Variants in COL5A2 observed in about 807,000 individuals in gnomAD.
COL5A2 encodes the protein collagen alpha-2(V) chain.
COL5A2 carries 23 observed loss-of-function variants against 208.2 expected under a neutral mutation model. That is an observed-to-expected ratio of 0.11 (90% CI 0.08 to 0.16). The LOEUF (loss-of-function observed/expected upper bound fraction) is 0.16, where lower values mean the gene tolerates loss of function less well. COL5A2 is among the 10% of genes least tolerant of loss of function. The pLI is 1.00. For synonymous variants in COL5A2, 625 were observed against 628.5 expected (o/e 0.99, Z 0.08); for missense variants, 1,590 against 1,956.4 (o/e 0.81, Z 3.53).
chr2:189,155,056 T>A (rs1576560631), intron 1 of COL5A2, among the ~76,000 whole-genome samples: 2 of 152,104 alleles, frequency 1.3e-5, no homozygotes, highest in East Asian at 3.9e-4. Context: ...CAGAGCTCAC[T>A]GCACCCTTGA....
At chr2:189,358,279 C>T in the COL5A2 span, among the ~76,000 whole-genome samples, 1 of 152,142 alleles carries the variant, frequency 6.6e-6, no homozygotes, top group African/African-American at 2.4e-5. Flanking sequence ...ATTTACAATG[C>T]TCCTAGTCAA....
At chr2:189,367,903 G>A in the COL5A2 span, among the ~76,000 whole-genome samples, 111 of 152,002 alleles carry the variant, frequency 7.3e-4, no homozygotes, top group African/African-American at 2.6e-3. Flanking sequence ...CTGTTTTTAT[G>A]GCAGTCTTTA....
the COL5A2 span, among the ~76,000 whole-genome samples, chr2:189,240,486 A>G: frequency 6.6e-6 from 1 of 152,198 alleles, no homozygotes; most frequent in East Asian, 1.9e-4. Flanking sequence ...TAGGACTTCA[A>G]CGTGTGAATT....
chr2:189,307,968 T>C, the COL5A2 span, among the ~76,000 whole-genome samples: 2 of 152,174 alleles, frequency 1.3e-5, no homozygotes, highest in Non-Finnish European at 2.9e-5. Flanking sequence ...GGAATAGCTG[T>C]TCTTTTACTT....
chr2:189,048,070 G>C (rs1238800169), intron 45 of COL5A2, 139 bp downstream of exon 45: 1 of 735,712 alleles, frequency 1.4e-6, no homozygotes, highest in African/African-American at 1.8e-5. Context: ...AAAAATTATG[G>C]CTTTACAGAA....
At chr2:189,074,138 T>C (rs1043085591) in intron 17 of COL5A2, among the ~76,000 whole-genome samples, 1 of 152,188 alleles carries the variant, frequency 6.6e-6, no homozygotes, top group African/African-American at 2.4e-5. Flanking sequence ...GATGATTCTT[T>C]AGTCTTAGCC....
At chr2:189,083,634 G>A (rs1686586229) in intron 12 of COL5A2, among the ~76,000 whole-genome samples, 1 of 151,820 alleles carries the variant, frequency 6.6e-6, no homozygotes, top group Admixed American at 6.6e-5. Context: ...TAGGATTGAA[G>A]TGTGAATTGT....
intron 1 of COL5A2, among the ~76,000 whole-genome samples, chr2:189,141,196 TG>T (rs1470287287): frequency 6.6e-6 from 1 of 152,130 alleles, no homozygotes; most frequent in Non-Finnish European, 1.5e-5. Flanking sequence ...GGAAGTTAGC[TG>T]GAAATATAGT....
chr2:189,082,089 T>C (rs1297602249), intron 12 of COL5A2, among the ~76,000 whole-genome samples: 2 of 152,168 alleles, frequency 1.3e-5, no homozygotes, highest in Non-Finnish European at 2.9e-5. Flanking sequence ...AACAACTAAA[T>C]AAAGAAATGG....
chr2:189,441,057 A>C, the COL5A2 span, among the ~76,000 whole-genome samples: 19 of 152,140 alleles, frequency 1.2e-4, no homozygotes, highest in Admixed American at 6.5e-5. Flanking sequence ...GCGACCGAGA[A>C]AACCAGGGAC....
chr2:189,349,721 G>A, the COL5A2 span, among the ~76,000 whole-genome samples: 4 of 152,088 alleles, frequency 2.6e-5, no homozygotes, highest in East Asian at 3.9e-4. Flanking sequence ...AAACAAACAC[G>A]TTAACTTTTT....
intron 1 of COL5A2, among the ~76,000 whole-genome samples, chr2:189,132,153 G>A (rs1687728256): frequency 6.6e-6 from 1 of 152,210 alleles, no homozygotes; most frequent in African/African-American, 2.4e-5. Context: ...GACCTCAAGT[G>A]GCCAGAATAG....
chr2:189,169,255 T>G (rs1688526764), intron 1 of COL5A2, among the ~76,000 whole-genome samples: 1 of 152,092 alleles, frequency 6.6e-6, no homozygotes, highest in African/African-American at 2.4e-5. Context: ...TAGACAGGCA[T>G]GAGGTGGCAC....
intron 43 of COL5A2, among the ~76,000 whole-genome samples, 167 bp downstream of exon 43, chr2:189,050,402 A>C (rs139984800): frequency 6.6e-6 from 1 of 152,340 alleles, no homozygotes; most frequent in African/African-American, 2.4e-5. Context: ...TTTGTAAGGT[A>C]GTTAAGAATT....
chr2:189,302,379 G>A, the COL5A2 span, among the ~76,000 whole-genome samples: 3 of 152,068 alleles, frequency 2.0e-5, no homozygotes, highest in Non-Finnish European at 2.9e-5. Context: ...AGCCAGCTCC[G>A]TACTCTACAG....
In COL5A2 at chr2:189,034,202, A is replaced by G. The variant is rs1576482924; in HGVS notation, c.4368T>C (p.Asn1456=). Residue 1456 remains asparagine (N), a synonymous_variant, in exon 54 of 54, where the codon AAT becomes AAC. Transcript: ENST00000374866. Reference sequence around the variant, plus strand: ...TATATTCAAAGACAGTCTTGCCCACATTTCCATTCCGCTTCTGAAATTAAA... The same window carrying G: ...TATATTCAAAGACAGTCTTGCCCACGTTTCCATTCCGCTTCTGAAATTAAA... ...LQDTCSKRNG[N]VGKTVFEYRT... 2 of 1,613,982 alleles carry G rather than the reference A, an allele frequency of 1.2e-6. No individual in the cohort carries two copies. Among genetic ancestry groups the G allele is most frequent in the Non-Finnish European group, 1.7e-6 (2 of 1,179,924 alleles).
chr2:189,438,793 G>A, the COL5A2 span, among the ~76,000 whole-genome samples: 2 of 152,136 alleles, frequency 1.3e-5, no homozygotes, highest in Non-Finnish European at 2.9e-5. Context: ...AGATTTTATT[G>A]TATGTAAATT....
the COL5A2 span, among the ~76,000 whole-genome samples, chr2:189,249,194 A>T: frequency 6.6e-6 from 1 of 152,200 alleles, no homozygotes; most frequent in Non-Finnish European, 1.5e-5. Context: ...ATTTCATACC[A>T]GCAATTATCA....
chr2:189,163,575 A>C, intron 1 of COL5A2, among the ~76,000 whole-genome samples: 1 of 152,234 alleles, frequency 6.6e-6, no homozygotes, highest in East Asian at 1.9e-4. Flanking sequence ...CCTTAAATAA[A>C]CCATATTTAG....
Sources: allele counts gnomAD v4.1 joint callset (sites outside exome capture counted in the v4.1 genomes callset), GRCh38; gene constraint gnomAD v4.1.1; transcripts MANE v1.5; gene names NCBI Gene and HGNC (gene_info 2026-07-23, HGNC 2026-07-21).